The following TTC39C variants were observed in gnomAD, a reference collection of about 807,000 sequenced individuals.
TTC39C encodes tetratricopeptide repeat domain 39C.
A neutral mutation model predicts 76.3 loss-of-function variants in TTC39C; 33 were observed. The ratio of observed to expected loss-of-function variants is 0.43; its 90% CI spans 0.33 to 0.58. The LOEUF is 0.58. Among genes scored for constraint, TTC39C ranks in the 20% least tolerant of loss-of-function variants. TTC39C has a pLI of 0.04. For missense variants in TTC39C, 595 were observed against 701.4 expected (o/e 0.85, Z 1.71); for synonymous variants, 254 against 260.6 (o/e 0.97, Z 0.24).
chr18:24,108,213 G>A (rs1395172499), intron 6 of TTC39C, among the ~76,000 whole-genome samples: 1 of 152,118 alleles, frequency 6.6e-6, no homozygotes, highest in Admixed American at 6.5e-5. Context: ...TTATTTTCAC[G>A]CCAGCAGACA....
chr18:24,078,099 T>C (rs2084329088), intron 4 of TTC39C, among the ~76,000 whole-genome samples: 1 of 152,244 alleles, frequency 6.6e-6, no homozygotes, highest in African/African-American at 2.4e-5. Flanking sequence ...TTCAAATGTA[T>C]TACTTTTATT....
At chr18:24,091,831 T>C (rs1839568767) in intron 6 of TTC39C, among the ~76,000 whole-genome samples, 1 of 152,088 alleles carries the variant, frequency 6.6e-6, no homozygotes, top group Admixed American at 6.6e-5. Flanking sequence ...GGCTCACGCC[T>C]GTAATCCCAG....
In TTC39C at chr18:24,084,480, A is replaced by G. The variant is rs1685238; in HGVS notation, c.984+1399A>G. Reference sequence around the variant, plus strand: ...AGCCTGGGTGACAGAGTGAGACTCCATCTCAAAAATAAATATATAAAATAA... The same window carrying G: ...AGCCTGGGTGACAGAGTGAGACTCCGTCTCAAAAATAAATATATAAAATAA... On this transcript the variant is annotated intron_variant, in intron 6 of 13. Coordinates refer to ENST00000317571, the MANE Select transcript of TTC39C (RefSeq NM_001135993.2). Among the ~76,000 whole-genome samples, 5 of 151,130 alleles carry G rather than the reference A, an allele frequency of 3.3e-5. No homozygotes were observed. In the South Asian group the frequency reaches 1.1e-3, roughly 32 times the overall value.
chr18:24,052,295 G>A (rs187296055), intron 1 of TTC39C, among the ~76,000 whole-genome samples: 1 of 152,290 alleles, frequency 6.6e-6, no homozygotes, highest in East Asian at 1.9e-4. Context: ...ACTGGACCGT[G>A]TATGCTCTCT....
upstream of TTC39C, among the ~76,000 whole-genome samples, chr18:24,011,207 C>T (rs2083391338): frequency 1.3e-5 from 2 of 152,310 alleles, no homozygotes; most frequent in Non-Finnish European, 2.9e-5. Context: ...ATAGGTTCTA[C>T]CCATCCAGGT....
In TTC39C at chr18:24,072,888, A is replaced by G. The variant is rs534389161; in HGVS notation, c.460+3617A>G. On this transcript the variant is annotated intron_variant, in intron 4 of 13. Transcript: ENST00000317571. ...GTATTCTTGGCAACATATATACTCTAGTTTTCCTCAGATGAGATTGTTTTC... is the reference window on the plus strand; with the variant it reads ...GTATTCTTGGCAACATATATACTCTGGTTTTCCTCAGATGAGATTGTTTTC... Among the ~76,000 whole-genome samples the G allele has an allele frequency of 7.9e-5, 12 of 152,306 alleles. No homozygotes were observed. In the South Asian group the frequency reaches 2.3e-3, roughly 29 times the overall value.
At chr18:24,122,330 C>T (rs2084977641) in intron 8 of TTC39C, among the ~76,000 whole-genome samples, 1 of 151,506 alleles carries the variant, frequency 6.6e-6, no homozygotes, top group South Asian at 2.1e-4. Context: ...GGTGAAACCC[C>T]ATCTCTATTA....
intron 6 of TTC39C, among the ~76,000 whole-genome samples, chr18:24,103,787 C>T (rs943441900): frequency 7.0e-6 from 1 of 142,214 alleles, no homozygotes; most frequent in South Asian, 2.4e-4. Flanking sequence ...CCTGCTTTTG[C>T]TCTTCTTGCC....
At chr18:24,019,685 G>A (rs1031322078) in intron 1 of TTC39C, among the ~76,000 whole-genome samples, 5 of 152,328 alleles carry the variant, frequency 3.3e-5, no homozygotes, top group East Asian at 1.9e-4. Context: ...ACTATGGCCC[G>A]TGGGCCAATT....
At chr18:24,032,580 G>A (rs2083683774) in intron 1 of TTC39C, among the ~76,000 whole-genome samples, 1 of 152,202 alleles carries the variant, frequency 6.6e-6, no homozygotes, top group South Asian at 2.1e-4. Flanking sequence ...GAGCTTGAAG[G>A]TAATTTTGTA....
In TTC39C at chr18:24,082,949, G is replaced by T. The variant is rs139065111; in HGVS notation, c.852G>T (p.Pro284=). 11 of 1,613,850 alleles carry T rather than the reference G, an allele frequency of 6.8e-6. No individual in the cohort carries two copies. In the Admixed American group the frequency reaches 1.3e-4, roughly 20 times the overall value. ...TCTGGTATCATACTGTAGTCCGCCC[G>T]TTTTTTGCCTTGGATGGCAGTGATA... ...ALLWYHTVVR[P]FFALDGSDNK... is the part of the protein sequence containing the mutation. Residue 284 remains proline (P), a synonymous_variant, in exon 6 of 14, where the codon CCG becomes CCT. Coordinates refer to ENST00000317571, the MANE Select transcript of TTC39C (RefSeq NM_001135993.2).
At chr18:24,045,345 A>AG (rs985990622) in intron 1 of TTC39C, among the ~76,000 whole-genome samples, 37 of 150,888 alleles carry the variant, frequency 2.5e-4, no homozygotes, top group African/African-American at 9.0e-4. Context: ...CAAGGGGGCC[A>AG]GGGGGGATTT....
chr18:24,003,314 C>T (rs562485735), intron 1 of TTC39C, among the ~76,000 whole-genome samples: 23 of 152,224 alleles, frequency 1.5e-4, no homozygotes, highest in Non-Finnish European at 3.4e-4. Context: ...CTATTCTGTG[C>T]TCCCAAAGCA....
intron 4 of TTC39C, chr18:24,076,911 T>C (rs1012807477): frequency 6.6e-6 from 1 of 152,238 alleles, no homozygotes; most frequent in African/African-American, 2.4e-5. Context: ...GTTTCTGTTG[T>C]GTTTTATTGA....
At chr18:24,044,698 C>G (rs547564197) in intron 1 of TTC39C, among the ~76,000 whole-genome samples, 4 of 152,268 alleles carry the variant, frequency 2.6e-5, no homozygotes, top group Non-Finnish European at 4.4e-5. Flanking sequence ...CGAAGACGTA[C>G]CTGTGGGGAA....
chr18:24,117,349 G>A (rs2084906830), intron 7 of TTC39C, among the ~76,000 whole-genome samples: 1 of 152,156 alleles, frequency 6.6e-6, no homozygotes, highest in South Asian at 2.1e-4. Context: ...AGTGTGCTGA[G>A]GGAAGGTAGG....
intron 6 of TTC39C, chr18:24,113,560 A>G (rs958023655): frequency 1.7e-5 from 12 of 702,122 alleles, no homozygotes; most frequent in East Asian, 8.0e-5. Context: ...CTGCAAGTGT[A>G]GGGCAGTGAG....
rs147840651 is a variant in TTC39C, at chr18:24,048,353, G to A, written c.168-15787G>A. On this transcript the variant is annotated intron_variant, in intron 1 of 13. Transcript: ENST00000317571. The stretch of plus-strand genomic sequence containing the variant: ...TAATTGCATAAGCAGTTAAGGACTC[G>A]TGAGAATGAACTGATTTTGTTAAAA... 6.6e-5 allele frequency among the ~76,000 whole-genome samples: 10 copies of A among 152,298 alleles called. No homozygotes were observed. The East Asian group carries it at 9.7e-4, about 15-fold the overall frequency.
intron 6 of TTC39C, among the ~76,000 whole-genome samples, chr18:24,086,022 G>GAT (rs1178051086): frequency 6.6e-6 from 1 of 152,214 alleles, no homozygotes; most frequent in Non-Finnish European, 1.5e-5. Flanking sequence ...GGGAGGCTGT[G>GAT]ATATAGCCCT....
Sources: gnomAD v4.1 joint callset for allele counts (sites outside exome capture counted in the v4.1 genomes callset) on GRCh38, gnomAD v4.1.1 for gene constraint, MANE v1.5 for transcripts, NCBI Gene and HGNC (gene_info 2026-07-23, HGNC 2026-07-21) for gene names.